Variants in ITSN1 observed in about 807,000 individuals in gnomAD.
ITSN1 encodes the protein intersectin-1.
In ITSN1, 58 loss-of-function variants were observed where a neutral mutation model predicts 239.8. The observed-to-expected ratio is 0.24, with a 90% CI of 0.20 to 0.30. The LOEUF (loss-of-function observed/expected upper bound fraction) is 0.30, where lower values mean the gene tolerates loss of function less well. ITSN1 is among the 10% of genes least tolerant of loss of function. The probability of loss-of-function intolerance (pLI) is 1.00; values close to 1 mark genes in which losing one functional copy is unlikely to be tolerated. For synonymous variants in ITSN1, 780 were observed against 770.8 expected (o/e 1.01, Z -0.20); for missense variants, 1,558 against 2,103.3 (o/e 0.74, Z 5.07).
chr21:33,656,934 T>C (rs933019096), intron 1 of ITSN1, among the ~76,000 whole-genome samples: 6 of 152,160 alleles, frequency 3.9e-5, no homozygotes, highest in African/African-American at 1.4e-4. Flanking sequence ...TTGGCCAGGC[T>C]GGTCACGAAC....
Position 33,772,162 on chromosome 21 carries a change from C to T in ITSN1, c.1144C>T (p.Arg382Cys), listed in dbSNP as rs764739038. 7 of 1,614,054 alleles carry T rather than the reference C, an allele frequency of 4.3e-6. No individual in the cohort carries two copies. Among genetic ancestry groups the T allele is most frequent in the Admixed American group, 1.7e-5 (1 of 59,990 alleles). The change falls in exon 12 of 40, where the codon CGC becomes TGC. Residue 382 changes from arginine to cysteine, a missense_variant. By Grantham distance (180) the Arg-to-Cys change is radical. This residue lies in a region of ITSN1 where 982 missense variants were observed against 1,209.9 expected (regional missense o/e 0.81). Coordinates refer to ENST00000381318, the MANE Select transcript of ITSN1 (RefSeq NM_003024.3). ...LLEQQRKEQERLAQLERAEQE... is the reference protein window; with the variant it reads ...LLEQQRKEQECLAQLERAEQE... Reference sequence around the variant, plus strand: ...GGAACAGCAGCGCAAGGAGCAGGAGCGCCTGGCCCAGCTGGAGCGGGCGGA... The same window carrying T: ...GGAACAGCAGCGCAAGGAGCAGGAGTGCCTGGCCCAGCTGGAGCGGGCGGA...
intron 39 of ITSN1, 139 bp downstream of exon 39, chr21:33,886,599 G>A (rs1048057640): frequency 1.5e-4 from 109 of 741,384 alleles, no homozygotes; most frequent in Middle Eastern, 3.9e-4. Flanking sequence ...GGCACAAGAC[G>A]AGGCTCTGTC....
chr21:33,771,558 G>GA (rs1485964568), intron 11 of ITSN1, among the ~76,000 whole-genome samples: 1 of 152,214 alleles, frequency 6.6e-6, no homozygotes, highest in Non-Finnish European at 1.5e-5. Flanking sequence ...TAATGGGTTA[G>GA]AAAAAATTGT....
At position 33,750,272 on chromosome 21, in the gene ITSN1, C is replaced by A; in HGVS notation, c.476C>A (p.Ala159Asp). The A allele has an allele frequency of 6.2e-7, 1 of 1,613,964 alleles. No homozygotes were observed. Among genetic ancestry groups the A allele is most frequent in the Non-Finnish European group, 8.5e-7 (1 of 1,180,026 alleles). ...CCCACAGCAGCTGTGCCCCCCCTGGCTAACGGGGCTCCCCCTGTTATACAA... is the reference window on the plus strand; with the variant it reads ...CCCACAGCAGCTGTGCCCCCCCTGGATAACGGGGCTCCCCCTGTTATACAA... ...SVPTAAVPPLANGAPPVIQPL... is the reference protein window; with the variant it reads ...SVPTAAVPPLDNGAPPVIQPL... Residue 159 changes from alanine (A) to aspartate (D), a missense_variant, in exon 6 of 40, where the codon GCT (alanine) becomes GAT (aspartate). Around this residue, in one of 2 missense-constraint regions of ITSN1, gnomAD observed 982 missense variants for 1,209.9 expected, o/e 0.81. Coordinates refer to ENST00000381318, the MANE Select transcript of ITSN1 (RefSeq NM_003024.3).
At chr21:33,705,211 AC>A (rs1357835665) in intron 1 of ITSN1, among the ~76,000 whole-genome samples, 1 of 151,996 alleles carries the variant, frequency 6.6e-6, no homozygotes, top group Admixed American at 6.5e-5. Context: ...TTTGTACCGT[AC>A]CTGGAAATAA....
chr21:33,865,041 C>A lies in ITSN1; in HGVS notation c.3891-110C>A. 1.0e-6 allele frequency: 1 copy of A among 1,003,052 alleles called. No individual in the cohort carries two copies. The highest frequency in any genetic ancestry group is 1.4e-6 in the Non-Finnish European group (1 of 691,216). The allele number at this position is 1,003,052 out of a possible 1,614,324, so 62.1% of individuals were successfully genotyped here. A position where few individuals can be genotyped will look rare whatever the true frequency, so the allele number is the denominator to read the frequency against. On this transcript the variant is annotated intron_variant, in intron 31 of 39. Coordinates refer to ENST00000381318, the MANE Select transcript of ITSN1 (RefSeq NM_003024.3). This position sits in a 1 kb window ranked among gnomAD's most constrained non-coding sequence, Gnocchi z 4.4. ...TCTCCCAAATAGATCCTTTAGTGGC[C>A]CTTAAGGCTGTGCCCCTCACACACA...
intron 2 of ITSN1, among the ~76,000 whole-genome samples, chr21:33,719,206 C>G (rs1475881541): frequency 6.6e-6 from 1 of 152,206 alleles, no homozygotes; most frequent in Non-Finnish European, 1.5e-5. Flanking sequence ...TTTGGGAGGC[C>G]GAGGCTGGTG....
chr21:33,739,834 AAG>A (rs1202401755), intron 5 of ITSN1, among the ~76,000 whole-genome samples: 2 of 152,232 alleles, frequency 1.3e-5, no homozygotes, highest in Non-Finnish European at 2.9e-5. Flanking sequence ...GATTAAGCAG[AAG>A]AGTGACGTGG....
At position 33,647,766 on chromosome 21, in the gene ITSN1, G is replaced by C. The variant is rs149816456; in HGVS notation, c.-33+5053G>C. On this transcript the variant is annotated intron_variant, in intron 1 of 39. Transcript: ENST00000381318. ...CTGCCTCAGCCTCCCAAAGTGCTGG[G>C]ATCACAGGCGTGAGCCACCACACCC... Among the ~76,000 whole-genome samples, 5 of 152,312 alleles carry C rather than the reference G, an allele frequency of 3.3e-5. No homozygotes were observed. The East Asian group carries it at 9.6e-4, about 29-fold the overall frequency.
intron 4 of ITSN1, among the ~76,000 whole-genome samples, chr21:33,727,351 C>T (rs2065888587): frequency 6.6e-6 from 1 of 151,804 alleles, no homozygotes; most frequent in East Asian, 1.9e-4. Context: ...GATGAGGGCT[C>T]TGGAATCTGA....
At chr21:33,726,169 T>C (rs1014064580) in intron 4 of ITSN1, among the ~76,000 whole-genome samples, 1 of 152,132 alleles carries the variant, frequency 6.6e-6, no homozygotes, top group Non-Finnish European at 1.5e-5. Context: ...AACCTTTGTA[T>C]TTTTAGTAGA....
chr21:33,886,508 T>A, intron 39 of ITSN1, 48 bp downstream of exon 39: 1 of 1,457,028 alleles, frequency 6.9e-7, no homozygotes, highest in Non-Finnish European at 9.2e-7. Flanking sequence ...CTGGCACTCG[T>A]TTGCGTGGGT....
Position 33,882,283 on chromosome 21 carries a change from G to A in ITSN1, c.4382G>A (p.Arg1461His), listed in dbSNP as rs1357531112. ...TCAGTGACCAATTGCTTGGGGCCGC[G>A]CAAATTTCTGCACAGTGGGAAGCTC... is the stretch of plus-strand genomic sequence containing the variant. The part of the protein sequence containing the change: ...FNSVTNCLGP[R>H]KFLHSGKLYK... Residue 1461 changes from arginine (R) to histidine (H), a missense_variant, in exon 35 of 40, where the codon CGC becomes CAC. Around this residue, in one of 2 missense-constraint regions of ITSN1, gnomAD observed 576 missense variants for 893.3 expected, o/e 0.64. Coordinates refer to ENST00000381318, the MANE Select transcript of ITSN1 (RefSeq NM_003024.3). This position sits in a 1 kb window ranked among gnomAD's most constrained non-coding sequence, Gnocchi z 4.5. The A allele has an allele frequency of 1.2e-6, 2 of 1,613,998 alleles. No individual in the cohort carries two copies. The highest frequency in any genetic ancestry group is 1.3e-5 in the African/African-American group (1 of 74,902).
rs573904667 is a variant in ITSN1, at chr21:33,717,244, T to G, written c.-32-1553T>G. 7.9e-5 allele frequency among the ~76,000 whole-genome samples: 12 copies of G among 152,140 alleles called. No individual in the cohort carries two copies. The East Asian group carries it at 2.3e-3, about 29-fold the overall frequency. The stretch of plus-strand genomic sequence containing the variant: ...AGGGTCTCTCTCCAGTTGCTCAGGC[T>G]GGAGTACAGTGACACCGTCTTAGCT... On this transcript the variant is annotated intron_variant, in intron 1 of 39. Transcript: ENST00000381318.
intron 2 of ITSN1, among the ~76,000 whole-genome samples, chr21:33,719,688 T>A (rs1464448223): frequency 6.6e-6 from 1 of 152,190 alleles, no homozygotes; most frequent in Non-Finnish European, 1.5e-5. Flanking sequence ...TTTGTTGAAG[T>A]GATGGGGTCA....
intron 1 of ITSN1, among the ~76,000 whole-genome samples, chr21:33,660,395 TAGAAATTAAAACCA>T (rs1421559286): frequency 6.6e-6 from 1 of 152,228 alleles, no homozygotes; most frequent in Admixed American, 6.5e-5. Context: ...TCTGCCAGAT[TAGAAATTAAAACCA>T]AGAAATTTAC....
rs759248303 is a variant in ITSN1 at position 33,774,757 on chromosome 21, G to A, written c.1334G>A (p.Arg445Gln). ...EAAKRELERQRQLEWERNRRQ... is the reference protein window; with the variant it reads ...EAAKRELERQQQLEWERNRRQ... ...GCAAAACGGGAACTTGAAAGGCAAC[G>A]ACAACTTGAGTGGGAACGGAATCGA... Residue 445 changes from arginine to glutamine, a missense_variant, in exon 13 of 40, where the codon CGA (arginine) becomes CAA (glutamine). Around this residue, in one of 2 missense-constraint regions of ITSN1, gnomAD observed 982 missense variants for 1,209.9 expected, o/e 0.81. Coordinates refer to ENST00000381318, the MANE Select transcript of ITSN1 (RefSeq NM_003024.3). The A allele has an allele frequency of 6.2e-6, 10 of 1,613,720 alleles. No individual in the cohort carries two copies. Among genetic ancestry groups the A allele is most frequent in the South Asian group, 3.3e-5 (3 of 90,994 alleles).
At chr21:33,834,554 A>C in intron 28 of ITSN1, 130 bp downstream of exon 28, 1 of 683,088 alleles carries the variant, frequency 1.5e-6, no homozygotes, top group South Asian at 1.8e-5. Context: ...ACTTGCTGGG[A>C]CTGACACCCA....
chr21:33,674,686 A>C (rs182938870), intron 1 of ITSN1, among the ~76,000 whole-genome samples: 305 of 152,318 alleles, frequency 2.0e-3, no homozygotes, highest in Non-Finnish European at 2.9e-3. Flanking sequence ...AGTGGTCCTT[A>C]AAATTAAGAT....
Sources: allele counts gnomAD v4.1 joint callset (sites outside exome capture counted in the v4.1 genomes callset), GRCh38; gene constraint gnomAD v4.1.1; regional missense constraint gnomAD v4.1.1; non-coding constraint Gnocchi (gnomAD v3.1); transcripts MANE v1.5; gene names NCBI Gene and HGNC (gene_info 2026-07-23, HGNC 2026-07-21).